Variants in FARP1 observed in about 807,000 individuals in gnomAD.
FARP1 encodes the protein FERM, ARHGEF and pleckstrin domain-containing protein 1.
Under a neutral mutation model 128.8 loss-of-function variants are expected in FARP1, and 52 were observed. The ratio of observed to expected loss-of-function variants is 0.40; its 90% confidence interval spans 0.32 to 0.51. The LOEUF (loss-of-function observed/expected upper bound fraction) is 0.51. Among genes scored for constraint, FARP1 ranks in the 20% least tolerant of loss-of-function variants. The pLI is 0.45. For synonymous variants in FARP1, 580 were observed against 551.8 expected (o/e 1.05, Z -0.72); for missense variants, 1,333 against 1,367.9 (o/e 0.97, Z 0.40).
chr13:98,393,795 G>T, intron 12 of FARP1, 77 bp downstream of exon 12: 1 of 1,102,020 alleles, frequency 9.1e-7, no homozygotes, highest in Non-Finnish European at 1.4e-6. Context: ...TTCAGAGCGG[G>T]CTTTCTTGTT....
chr13:98,435,553 C>G, intron 18 of FARP1, 23 bp from the exon 19 acceptor site: 3 of 1,589,662 alleles, frequency 1.9e-6, no homozygotes, highest in Non-Finnish European at 2.6e-6. Flanking sequence ...CCGCTGCAGA[C>G]TGTGTATGTC....
chr13:98,227,247 G>T (rs948249580), intron 2 of FARP1, among the ~76,000 whole-genome samples: 2 of 152,004 alleles, frequency 1.3e-5, no homozygotes, highest in Admixed American at 1.3e-4. Flanking sequence ...CTGGCCTCCT[G>T]TTGCATTTCT....
Position 98,449,544 on chromosome 13 carries a change from G to A in FARP1, c.*1227G>A, listed in dbSNP as rs191318853. ...CCAATTCAACCCCATTCTTTCCAGCGCCCCGCACCATAGCACCTGCCCACC... is the reference window on the plus strand; with the variant it reads ...CCAATTCAACCCCATTCTTTCCAGCACCCCGCACCATAGCACCTGCCCACC... On this transcript the variant is annotated 3_prime_UTR_variant, in exon 27 of 27. Transcript: ENST00000319562. The A allele has an allele frequency of 9.2e-5, 14 of 152,542 alleles. No individual in the cohort carries two copies. Among genetic ancestry groups the A allele is most frequent in the East Asian group, 3.9e-4 (2 of 5,158 alleles). 9.4% of individuals were successfully genotyped at this position (152,542 alleles called of 1,614,324 possible).
chr13:98,184,526 T>A (rs1232392239), intron 1 of FARP1, among the ~76,000 whole-genome samples: 1 of 152,240 alleles, frequency 6.6e-6, no homozygotes, highest in Non-Finnish European at 1.5e-5. Context: ...TAAAGGTGCT[T>A]TATGAAACAG....
At chr13:98,179,421 T>C (rs1473371950) in intron 1 of FARP1, among the ~76,000 whole-genome samples, 2 of 152,198 alleles carry the variant, frequency 1.3e-5, no homozygotes, top group Non-Finnish European at 2.9e-5. Flanking sequence ...ACCATATCAG[T>C]GTCCATAGGT....
intron 1 of FARP1, among the ~76,000 whole-genome samples, chr13:98,206,141 G>A (rs888100836): frequency 1.9e-4 from 29 of 151,344 alleles, no homozygotes; most frequent in African/African-American, 6.1e-4. Context: ...AGACAGAGCC[G>A]TGTTCCATAC....
chr13:98,373,533 G>GACAGACAGACAGACACAC (rs1349451618), intron 5 of FARP1, among the ~76,000 whole-genome samples: 5 of 131,070 alleles, frequency 3.8e-5, no homozygotes, highest in African/African-American at 1.5e-4. Context: ...CAGACAGACA[G>GACAGACAGACAGACACAC]ACACACACAC....
chr13:98,388,180 A>G (rs749711144), intron 8 of FARP1, among the ~76,000 whole-genome samples: 4 of 152,130 alleles, frequency 2.6e-5, no homozygotes, highest in African/African-American at 4.8e-5. Flanking sequence ...TTGTATGCCA[A>G]AATCCTATAA....
chr13:98,261,786 A>T (rs1403515858), intron 2 of FARP1, among the ~76,000 whole-genome samples: 1 of 152,084 alleles, frequency 6.6e-6, no homozygotes, highest in Non-Finnish European at 1.5e-5. Flanking sequence ...TTGCGTTACA[A>T]CCAACACTCT....
At chr13:98,155,436 C>A (rs1479427265) in intron 1 of FARP1, among the ~76,000 whole-genome samples, 1 of 151,478 alleles carries the variant, frequency 6.6e-6, no homozygotes. Context: ...GCTTGAATAC[C>A]TTACAACATG....
chr13:98,418,549 A>C, intron 16 of FARP1, among the ~76,000 whole-genome samples: 1 of 152,210 alleles, frequency 6.6e-6, no homozygotes, highest in Admixed American at 6.5e-5. Context: ...TTGGGATTAC[A>C]GGCGTTGAGC....
intron 1 of FARP1, among the ~76,000 whole-genome samples, chr13:98,145,957 G>A (rs573818737): frequency 1.4e-4 from 22 of 151,922 alleles, no homozygotes; most frequent in Non-Finnish European, 2.5e-4. Context: ...GCATTGAAAG[G>A]GTTAGTTTTT....
chr13:98,174,149 A>T (rs1355682558), intron 1 of FARP1, among the ~76,000 whole-genome samples: 1 of 152,236 alleles, frequency 6.6e-6, no homozygotes, highest in Non-Finnish European at 1.5e-5. Context: ...TATGTTAGTA[A>T]ACCAAATTGC....
At chr13:98,160,828 A>G (rs1876828914) in intron 1 of FARP1, among the ~76,000 whole-genome samples, 1 of 151,676 alleles carries the variant, frequency 6.6e-6, no homozygotes, top group African/African-American at 2.4e-5. Context: ...ATGCCTGGCT[A>G]ATTTTTTTTG....
At chr13:98,174,961 G>A (rs1877897126) in intron 1 of FARP1, among the ~76,000 whole-genome samples, 1 of 152,092 alleles carries the variant, frequency 6.6e-6, no homozygotes, top group South Asian at 2.1e-4. Flanking sequence ...TCTGCAACCT[G>A]GCCATGGTGG....
chr13:98,390,596 A>G, intron 10 of FARP1: 1 of 523,774 alleles, frequency 1.9e-6, no homozygotes, highest in South Asian at 3.0e-5. Flanking sequence ...AGTTAATTGA[A>G]CATTTTTTCT....
At chr13:98,407,664 T>A (rs1378886337) in intron 13 of FARP1, among the ~76,000 whole-genome samples, 1 of 152,182 alleles carries the variant, frequency 6.6e-6, no homozygotes, top group East Asian at 1.9e-4. Flanking sequence ...TCCTCACATT[T>A]TCTAATCTTG....
chr13:98,367,496 T>C (rs1205157006), intron 4 of FARP1, among the ~76,000 whole-genome samples: 4 of 151,970 alleles, frequency 2.6e-5, no homozygotes, highest in African/African-American at 9.7e-5. Context: ...TTTCTTTTTT[T>C]TTTTTTAAAT....
intron 24 of FARP1, 196 bp from the exon 25 acceptor site, chr13:98,445,902 G>A (rs1418506355): frequency 1.3e-5 from 7 of 538,680 alleles, no homozygotes; most frequent in Non-Finnish European, 2.0e-5. Context: ...CCCACAGCAA[G>A]TGACAAGGGG....
Sources: allele counts gnomAD v4.1 joint callset (sites outside exome capture counted in the v4.1 genomes callset), GRCh38; gene constraint gnomAD v4.1.1; transcripts MANE v1.5; gene names NCBI Gene and HGNC (gene_info 2026-07-23, HGNC 2026-07-21).